The following PTPRG variants were observed in gnomAD, a reference collection of about 807,000 sequenced individuals.
PTPRG encodes protein tyrosine phosphatase receptor type G.
Under a neutral mutation model 165.3 loss-of-function variants are expected in PTPRG, and 102 were observed. That is an observed-to-expected ratio of 0.62 (90% confidence interval 0.53 to 0.73). The LOEUF (loss-of-function observed/expected upper bound fraction) is 0.73, where lower values mean the gene tolerates loss of function less well. Ranked by LOEUF, PTPRG falls within the 30% of genes least tolerant of loss-of-function variation. The pLI, the probability that PTPRG is intolerant of heterozygous loss-of-function variation, is 0.00. For missense variants in PTPRG, 1,866 were observed against 1,861.4 expected (o/e 1.00, Z -0.05); for synonymous variants, 675 against 669.5 (o/e 1.01, Z -0.13).
chr3:61,614,949 C>T (rs1008462316), intron 1 of PTPRG, among the ~76,000 whole-genome samples: 1 of 152,190 alleles, frequency 6.6e-6, no homozygotes, highest in Non-Finnish European at 1.5e-5. Context: ...CTTTCCCACC[C>T]AGCTTCTGAA....
At chr3:62,120,684 A>G (rs1703032923) in intron 5 of PTPRG, among the ~76,000 whole-genome samples, 1 of 150,732 alleles carries the variant, frequency 6.6e-6, no homozygotes, top group Non-Finnish European at 1.5e-5. Context: ...CCAGAGGTGG[A>G]GGTTGTAGTG....
Position 62,095,182 on chromosome 3 carries a change from T to A in PTPRG, c.615+16924T>A, listed in dbSNP as rs542911758. Among the ~76,000 whole-genome samples the A allele has an allele frequency of 2.0e-5, 3 of 152,308 alleles. No individual in the cohort carries two copies. In the East Asian group the frequency reaches 5.8e-4, roughly 29 times the overall value. On this transcript the variant is annotated intron_variant, in intron 5 of 29. Coordinates refer to ENST00000474889, the MANE Select transcript of PTPRG (RefSeq NM_002841.4). Reference sequence around the variant, plus strand: ...CATAAAGCGAAGAGAGAGCACGGTGTACCATCACCAGTTGTTAAGCAGACA... The same window carrying A: ...CATAAAGCGAAGAGAGAGCACGGTGAACCATCACCAGTTGTTAAGCAGACA...
rs1229715914 is a variant in PTPRG, at chr3:62,190,407, G to C, written c.1034-1062G>C. Reference sequence around the variant, plus strand: ...CGGCCACACGGGTCTGGACACCCCTGAGAAAGCACACATTTCCGGCTGACT... The same window carrying C: ...CGGCCACACGGGTCTGGACACCCCTCAGAAAGCACACATTTCCGGCTGACT... On this transcript the variant is annotated intron_variant, in intron 8 of 29. Coordinates refer to ENST00000474889, the MANE Select transcript of PTPRG (RefSeq NM_002841.4). This position sits in a 1 kb window ranked among gnomAD's most constrained non-coding sequence, Gnocchi z 5.2. 6.6e-6 allele frequency among the ~76,000 whole-genome samples: 1 copy of C among 152,200 alleles called. No homozygotes were observed. The highest frequency in any genetic ancestry group is 1.5e-5 in the Non-Finnish European group (1 of 68,044).
At chr3:61,731,432 T>C (rs912640727) in intron 1 of PTPRG, among the ~76,000 whole-genome samples, 5 of 146,950 alleles carry the variant, frequency 3.4e-5, no homozygotes, top group Non-Finnish European at 1.5e-5. Context: ...CACTGCAACC[T>C]CCGCCTCCCG....
intron 16 of PTPRG, among the ~76,000 whole-genome samples, chr3:62,259,964 T>A (rs550521459): frequency 6.6e-6 from 1 of 152,172 alleles, no homozygotes; most frequent in Non-Finnish European, 1.5e-5. Flanking sequence ...GTGGAATCTC[T>A]CCACACGTTT....
rs72876302 is a variant in PTPRG at position 61,686,756 on chromosome 3, T to C, written c.86-62122T>C. On this transcript the variant is annotated intron_variant, in intron 1 of 29. Transcript: ENST00000474889. The stretch of plus-strand genomic sequence containing the variant: ...CCCTATGAACAGATACATATGTTTG[T>C]CTGTATATCGAAATCTCTATTTCCC... Among the ~76,000 whole-genome samples the C allele has an allele frequency of 1.9e-3, 287 of 152,342 alleles. 2 individuals are homozygous for C. Among genetic ancestry groups the C allele is most frequent in the African/African-American group, 6.7e-3 (277 of 41,568 alleles).
chr3:61,851,449 C>T (rs1297514929), intron 2 of PTPRG, among the ~76,000 whole-genome samples: 1 of 151,798 alleles, frequency 6.6e-6, no homozygotes, highest in Non-Finnish European at 1.5e-5. Flanking sequence ...GCTTGGTGGC[C>T]AGAAAATATA....
At chr3:61,730,072 G>C (rs2032430176) in intron 1 of PTPRG, among the ~76,000 whole-genome samples, 1 of 152,194 alleles carries the variant, frequency 6.6e-6, no homozygotes, top group South Asian at 2.1e-4. Context: ...GTCTTCCTTA[G>C]GTCTGCTGCG....
chr3:61,759,160 T>C (rs1575640280), intron 2 of PTPRG, among the ~76,000 whole-genome samples: 1 of 152,314 alleles, frequency 6.6e-6, no homozygotes, highest in East Asian at 1.9e-4. Flanking sequence ...GTTATCTTCT[T>C]GGTTGTCTTT....
At position 62,281,623 on chromosome 3, in the gene PTPRG, A is replaced by T. The variant is rs748005942; in HGVS notation, c.3826A>T (p.Thr1276Ser). The T allele has an allele frequency of 6.2e-7, 1 of 1,601,498 alleles. No individual in the cohort carries two copies. The highest frequency in any genetic ancestry group is 1.1e-5 in the South Asian group (1 of 90,672). The part of the protein sequence containing the change: ...REESMNCEAF[T>S]VTLISKDRLC... ...AGAATCCATGAACTGTGAGGCCTTT[A>T]CCGTCACCCTTATCAGCAAAGACAG... Residue 1276 changes from threonine to serine, a missense_variant, in exon 27 of 30, where the codon ACC (threonine) becomes TCC (serine). Coordinates refer to ENST00000474889, the MANE Select transcript of PTPRG (RefSeq NM_002841.4).
chr3:61,974,397 A>G (rs1216007281), intron 2 of PTPRG, among the ~76,000 whole-genome samples: 1 of 152,056 alleles, frequency 6.6e-6, no homozygotes, highest in Non-Finnish European at 1.5e-5. Flanking sequence ...CTAAAAAAAT[A>G]TAAAAATCAG....
At chr3:62,172,391 C>T (rs764876788) in intron 8 of PTPRG, among the ~76,000 whole-genome samples, 1 of 152,166 alleles carries the variant, frequency 6.6e-6, no homozygotes, top group Non-Finnish European at 1.5e-5. Flanking sequence ...TTCAATTTCT[C>T]CATATCCTCA....
chr3:62,005,293 T>C (rs190215186), intron 4 of PTPRG, among the ~76,000 whole-genome samples: 131 of 152,354 alleles, frequency 8.6e-4, no homozygotes, highest in African/African-American at 3.0e-3. Context: ...GAATGAATCA[T>C]TTCTTAGAAG....
rs186602131 is a variant in PTPRG, at chr3:62,165,429, A to G, written c.841-2542A>G. Reference sequence around the variant, plus strand: ...GTGGAGGTGATTTTTCAGCATCTTTAGTTGTCTTCATTTGAGTGGCTCACA... The same window carrying G: ...GTGGAGGTGATTTTTCAGCATCTTTGGTTGTCTTCATTTGAGTGGCTCACA... On this transcript the variant is annotated intron_variant, in intron 7 of 29. Coordinates refer to ENST00000474889, the MANE Select transcript of PTPRG (RefSeq NM_002841.4). Among the ~76,000 whole-genome samples, 78 of 152,238 alleles carry G rather than the reference A, an allele frequency of 5.1e-4. 1 individual carries two copies. Among genetic ancestry groups the G allele is most frequent in the Non-Finnish European group, 9.6e-4 (65 of 68,028 alleles).
At chr3:61,987,998 A>C (rs1477150450) in intron 2 of PTPRG, among the ~76,000 whole-genome samples, 1 of 152,216 alleles carries the variant, frequency 6.6e-6, no homozygotes, top group Non-Finnish European at 1.5e-5. Flanking sequence ...AAAATACATG[A>C]GTGAAAAGCC....
intron 1 of PTPRG, among the ~76,000 whole-genome samples, chr3:61,575,671 T>C (rs1700160452): frequency 6.7e-6 from 1 of 148,366 alleles, no homozygotes; most frequent in African/African-American, 2.5e-5. Context: ...CACTTTCGGC[T>C]CGCTGAAACC....
At chr3:61,590,377 T>G (rs1329839458) in intron 1 of PTPRG, among the ~76,000 whole-genome samples, 1 of 151,926 alleles carries the variant, frequency 6.6e-6, no homozygotes. Flanking sequence ...ATATAAAAAT[T>G]AGCTGGCGTA....
At chr3:61,764,270 A>G (rs1346890839) in intron 2 of PTPRG, among the ~76,000 whole-genome samples, 2 of 152,146 alleles carry the variant, frequency 1.3e-5, no homozygotes, top group African/African-American at 4.8e-5. Context: ...CTTTGGAGAA[A>G]TACAGTGAGT....
rs368228763 is a variant in PTPRG at position 61,925,208 on chromosome 3, C to T, written c.191-64417C>T. On this transcript the variant is annotated intron_variant, in intron 2 of 29. Coordinates refer to ENST00000474889, the MANE Select transcript of PTPRG (RefSeq NM_002841.4). ...AAACTTTATTTATAAAAACAGATGG[C>T]AGTCTGCATTTGGCCCATTGGCCGC... is the stretch of plus-strand genomic sequence containing the variant. 9.2e-5 allele frequency among the ~76,000 whole-genome samples: 14 copies of T among 152,328 alleles called. No individual in the cohort carries two copies. In the East Asian group the frequency reaches 2.3e-3, roughly 25 times the overall value.
Sources: allele counts gnomAD v4.1 joint callset (sites outside exome capture counted in the v4.1 genomes callset), GRCh38; gene constraint gnomAD v4.1.1; non-coding constraint Gnocchi (gnomAD v3.1); transcripts MANE v1.5; gene names NCBI Gene and HGNC (gene_info 2026-07-23, HGNC 2026-07-21).